Variants in ILKAP observed in about 807,000 individuals in gnomAD.
ILKAP encodes ILK associated serine/threonine phosphatase.
ILKAP carries 11 observed loss-of-function variants against 49.1 expected under a neutral mutation model. The observed-to-expected ratio is 0.22, with a 90% confidence interval of 0.14 to 0.37. The LOEUF is 0.37. ILKAP is among the 10% of genes least tolerant of loss of function. The pLI, the probability that ILKAP is intolerant of heterozygous loss-of-function variation, is 1.00. For missense variants in ILKAP, 363 were observed against 510.8 expected (o/e 0.71, Z 2.79); for synonymous variants, 186 against 192.8 (o/e 0.96, Z 0.29).
chr2:238,183,569 T>C, intron 8 of ILKAP, 84 bp downstream of exon 8: 1 of 970,908 alleles, frequency 1.0e-6, no homozygotes, highest in South Asian at 1.4e-5. Flanking sequence ...ACCATCACTT[T>C]AATCTTATTC....
In ILKAP at chr2:238,183,827, A is replaced by G. The variant is rs1050175866; in HGVS notation, c.627-87T>C. The G allele has an allele frequency of 4.7e-5, 50 of 1,067,920 alleles. No individual in the cohort carries two copies. The South Asian group carries it at 6.1e-4, about 13-fold the overall frequency. 66.2% of individuals were successfully genotyped at this position (1,067,920 alleles called of 1,614,324 possible). A position where few individuals can be genotyped will look rare whatever the true frequency, so the allele number is the denominator to read the frequency against. On this transcript the variant is annotated intron_variant, in intron 7 of 11. Coordinates refer to ENST00000254654, the MANE Select transcript of ILKAP (RefSeq NM_030768.3). ...TCCAGAGCTCAATGGGAAGTATCTTATATTTCAAAATGAACCATTTCCTTG... is the reference window on the plus strand; with the variant it reads ...TCCAGAGCTCAATGGGAAGTATCTTGTATTTCAAAATGAACCATTTCCTTG...
chr2:238,188,380 CAAAT>C, intron 4 of ILKAP, 123 bp from the exon 5 acceptor site: 1 of 1,178,246 alleles, frequency 8.5e-7, no homozygotes, highest in Non-Finnish European at 1.2e-6. Flanking sequence ...ATGGCGCAAA[CAAAT>C]AAGCAATACC....
At chr2:238,187,156 G>A (rs1369231885) in intron 5 of ILKAP, 1 of 152,294 alleles carries the variant, frequency 6.6e-6, no homozygotes, top group Non-Finnish European at 1.5e-5. Context: ...AGGACGCTGA[G>A]GTGGGAGGAC....
At chr2:238,184,378 C>T (rs747874985) in intron 6 of ILKAP, among the ~76,000 whole-genome samples, 7 of 152,068 alleles carry the variant, frequency 4.6e-5, no homozygotes, top group Admixed American at 2.0e-4. Context: ...TTAGTAGAGA[C>T]AGGGTTTCAC....
chr2:238,190,844 C>A (rs1019078820), intron 3 of ILKAP, among the ~76,000 whole-genome samples: 55 of 133,718 alleles, frequency 4.1e-4, no homozygotes, highest in African/African-American at 1.5e-3. Flanking sequence ...GCATTTGAGA[C>A]CTGCCTGGGC....
At chr2:238,194,362 A>G in intron 2 of ILKAP, 31 bp from the exon 3 acceptor site, 2 of 1,607,492 alleles carry the variant, frequency 1.2e-6, no homozygotes, top group Non-Finnish European at 1.7e-6. Flanking sequence ...TAGTGAGCCC[A>G]CAAAAAATAT....
Sources: gnomAD v4.1 joint callset for allele counts (sites outside exome capture counted in the v4.1 genomes callset) on GRCh38, gnomAD v4.1.1 for gene constraint, MANE v1.5 for transcripts, NCBI Gene and HGNC (gene_info 2026-07-23, HGNC 2026-07-21) for gene names.